Variants in SLC25A48 observed in about 807,000 individuals in gnomAD.
SLC25A48 encodes the protein CTC-321K16.1.
A neutral mutation model predicts 32.2 loss-of-function variants in SLC25A48; 29 were observed. The ratio of observed to expected loss-of-function variants is 0.90; its 90% CI spans 0.67 to 1.23. SLC25A48 has a LOEUF of 1.23. Among genes scored for constraint, SLC25A48 ranks in the 50% most tolerant of loss-of-function variants. The pLI is 0.00. For missense variants in SLC25A48, 399 were observed against 422.7 expected, an observed-to-expected ratio of 0.94 and a Z score of 0.49; for synonymous variants, 164 against 172.3, an observed-to-expected ratio of 0.95 and a Z score of 0.38.
intron 3 of SLC25A48, among the ~76,000 whole-genome samples, chr5:135,741,567 A>G (rs761469421): frequency 6.6e-6 from 1 of 152,106 alleles, no homozygotes; most frequent in Non-Finnish European, 1.5e-5. Context: ...GCAAAACCCC[A>G]TCTCTACAAA....
chr5:135,825,366 A>C (rs17169180), intron 4 of SLC25A48, among the ~76,000 whole-genome samples: 27,944 of 152,194 alleles, frequency 0.18, 2,854 homozygotes, highest in East Asian at 0.44. Flanking sequence ...CTTGTGGTCT[A>C]TAACATTCCT....
intron 3 of SLC25A48, among the ~76,000 whole-genome samples, chr5:135,697,200 G>A (rs1302345061): frequency 1.3e-5 from 2 of 152,198 alleles, no homozygotes; most frequent in East Asian, 1.9e-4. Context: ...AGACTCCGAG[G>A]AAGGAATTTT....
At chr5:135,637,287 C>T (rs948994316) in intron 3 of SLC25A48, among the ~76,000 whole-genome samples, 4 of 152,188 alleles carry the variant, frequency 2.6e-5, no homozygotes, top group African/African-American at 9.7e-5. Context: ...AAAGAGGTGG[C>T]TGCTGCAGAA....
intron 7 of SLC25A48, among the ~76,000 whole-genome samples, chr5:135,886,614 T>TA: frequency 4.0e-5 from 1 of 24,962 alleles, no homozygotes; most frequent in Non-Finnish European, 7.3e-5. Context: ...TATATATATA[T>TA]ATATATATAT....
chr5:135,864,168 C>T (rs1027308328), intron 4 of SLC25A48, among the ~76,000 whole-genome samples: 3 of 152,122 alleles, frequency 2.0e-5, no homozygotes, highest in Admixed American at 2.0e-4. Context: ...CATCTGAGCC[C>T]AAGAATCTGC....
Position 135,848,925 on chromosome 5 carries a change from G to T in SLC25A48, c.91-1500G>T, listed in dbSNP as rs139972135. 5.0e-3 allele frequency among the ~76,000 whole-genome samples: 755 copies of T among 152,342 alleles called. 3 individuals carry two copies. The highest frequency in any genetic ancestry group is 0.017 in the African/African-American group (727 of 41,578). ...CCATGGTCATAAACTCAGGAGAGGA[G>T]TAGGGTGAGAGCGAAGGTGGGTCCA... On this transcript the variant is annotated intron_variant, in intron 2 of 7. Coordinates refer to ENST00000681962, the MANE Select transcript of SLC25A48 (RefSeq NM_001349336.2).
At chr5:135,784,611 T>C (rs1443580314) in intron 3 of SLC25A48, among the ~76,000 whole-genome samples, 1 of 117,558 alleles carries the variant, frequency 8.5e-6, no homozygotes, top group East Asian at 2.1e-4. Flanking sequence ...GGAGAGGTTA[T>C]TATTACTCTC....
intron 3 of SLC25A48, chr5:135,714,542 G>A (rs962143375): frequency 6.6e-6 from 1 of 152,216 alleles, no homozygotes; most frequent in Non-Finnish European, 1.5e-5. Flanking sequence ...TGTGCAGTTT[G>A]GTGGGTATGG....
chr5:135,779,867 GGA>G (rs1756677903), intron 3 of SLC25A48, among the ~76,000 whole-genome samples: 1 of 116,544 alleles, frequency 8.6e-6, no homozygotes, highest in African/African-American at 2.6e-5. Flanking sequence ...GGAAGGGGGA[GGA>G]GAGAGTGATA....
At chr5:135,784,208 G>C (rs1299325552) in intron 3 of SLC25A48, among the ~76,000 whole-genome samples, 1 of 112,308 alleles carries the variant, frequency 8.9e-6, no homozygotes, top group African/African-American at 2.7e-5. Flanking sequence ...ACACTGCTTT[G>C]TTTTCTTCTA....
At chr5:135,709,086 CTAAAAT>C (rs1416034318) in intron 3 of SLC25A48, among the ~76,000 whole-genome samples, 2 of 152,176 alleles carry the variant, frequency 1.3e-5, no homozygotes, top group African/African-American at 4.8e-5. Context: ...GGTTCACATA[CTAAAAT>C]TCATTGGAAA....
At chr5:135,668,492 T>C (rs1052264157) in intron 3 of SLC25A48, among the ~76,000 whole-genome samples, 2 of 152,218 alleles carry the variant, frequency 1.3e-5, no homozygotes, top group African/African-American at 4.8e-5. Context: ...CCTGGTGCTA[T>C]TTGATATACT....
At chr5:135,800,551 T>C (rs1757295571) in intron 3 of SLC25A48, among the ~76,000 whole-genome samples, 3 of 151,700 alleles carry the variant, frequency 2.0e-5, no homozygotes, top group Admixed American at 6.6e-5. Context: ...AATTCCTATA[T>C]CCAGAGGAAG....
intron 3 of SLC25A48, among the ~76,000 whole-genome samples, chr5:135,650,702 A>G (rs1395915186): frequency 1.3e-5 from 2 of 152,172 alleles, no homozygotes; most frequent in Non-Finnish European, 2.9e-5. Context: ...TTTGTTTTTT[A>G]ACGGTGGTTT....
At chr5:135,638,822 A>G (rs1340881079) in intron 3 of SLC25A48, among the ~76,000 whole-genome samples, 2 of 152,228 alleles carry the variant, frequency 1.3e-5, no homozygotes, top group South Asian at 2.1e-4. Context: ...GTGATACACC[A>G]TGTTTCAACT....
At chr5:135,786,617 G>A (rs1484603001) in intron 3 of SLC25A48, among the ~76,000 whole-genome samples, 1 of 151,902 alleles carries the variant, frequency 6.6e-6, no homozygotes, top group South Asian at 2.1e-4. Flanking sequence ...ACAATGTACG[G>A]TTACCCCTAG....
intron 3 of SLC25A48, among the ~76,000 whole-genome samples, chr5:135,700,968 T>A (rs983937072): frequency 6.6e-5 from 10 of 152,322 alleles, no homozygotes; most frequent in African/African-American, 2.2e-4. Context: ...CTCACTTTCC[T>A]GCCTTGGAAT....
At chr5:135,762,294 C>T (rs1176894321) in intron 3 of SLC25A48, among the ~76,000 whole-genome samples, 2 of 152,000 alleles carry the variant, frequency 1.3e-5, no homozygotes, top group African/African-American at 4.8e-5. Context: ...AGGCAAGGGC[C>T]CAATCTGCTG....
chr5:135,873,685 A>G (rs1761837408), intron 5 of SLC25A48, among the ~76,000 whole-genome samples: 1 of 152,162 alleles, frequency 6.6e-6, no homozygotes, highest in Non-Finnish European at 1.5e-5. Flanking sequence ...CTGCTAATAA[A>G]TACTGCCACG....
Sources: allele counts gnomAD v4.1 joint callset (sites outside exome capture counted in the v4.1 genomes callset), GRCh38; gene constraint gnomAD v4.1.1; transcripts MANE v1.5; gene names NCBI Gene and HGNC (gene_info 2026-07-23, HGNC 2026-07-21).